The following TULP4 variants were observed in gnomAD, a reference collection of about 807,000 sequenced individuals.
The protein encoded by TULP4 is TUB like protein 4, also known as tubby-related protein 4.
Under a neutral mutation model 129.0 loss-of-function variants are expected in TULP4, and 16 were observed. The observed-to-expected ratio is 0.12, with a 90% confidence interval of 0.08 to 0.19. The LOEUF (loss-of-function observed/expected upper bound fraction) is 0.19, where lower values mean the gene tolerates loss of function less well. Among genes scored for constraint, TULP4 ranks in the 10% least tolerant of loss-of-function variants. The pLI, the probability that TULP4 is intolerant of heterozygous loss-of-function variation, is 1.00. For missense variants in TULP4, 1,842 were observed against 2,059.1 expected, an observed-to-expected ratio of 0.89 and a Z score of 2.04; for synonymous variants, 998 against 854.0, an observed-to-expected ratio of 1.17 and a Z score of -2.94.
In TULP4 at chr6:158,429,787, C is replaced by G. The variant is rs1010046898; in HGVS notation, c.433C>G (p.Arg145Gly). Reference protein sequence around the residue: ...HDGTQALISYRDGFVLVGSVS... With the variant: ...HDGTQALISYGDGFVLVGSVS... ...TGGAACTCAAGCACTTATTTCCTAT[C>G]GAGATGGGTTTGTCCTGGTTGGGTC... is the stretch of plus-strand genomic sequence containing the variant. The change falls in exon 3 of 14, where the codon CGA becomes GGA. Residue 145 changes from arginine (R) to glycine (G), a missense_variant. Around this residue, in one of 5 missense-constraint regions of TULP4, gnomAD observed 151 missense variants for 268.7 expected, o/e 0.56. Coordinates refer to ENST00000367097, the MANE Select transcript of TULP4 (RefSeq NM_020245.5). The G allele has an allele frequency of 6.2e-7, 1 of 1,613,844 alleles. No individual in the cohort carries two copies.
intron 1 of TULP4, among the ~76,000 whole-genome samples, chr6:158,319,227 C>T (rs566483779): frequency 6.6e-6 from 1 of 152,236 alleles, no homozygotes; most frequent in South Asian, 2.1e-4. Context: ...AGATAATTGA[C>T]AGGAGCTCCC....
chr6:158,392,612 C>G (rs1378014489), intron 1 of TULP4, among the ~76,000 whole-genome samples: 1 of 151,808 alleles, frequency 6.6e-6, no homozygotes, highest in Non-Finnish European at 1.5e-5. Context: ...GCTCACATCT[C>G]AGGGGCCAGC....
chr6:158,305,533 G>C (rs1779204835), intron 1 of TULP4, among the ~76,000 whole-genome samples: 1 of 150,256 alleles, frequency 6.7e-6, no homozygotes, highest in African/African-American at 2.5e-5. Context: ...GACCCTGTCT[G>C]TACCAAAAAT....
At chr6:158,364,472 A>G (rs1780878251) in intron 1 of TULP4, among the ~76,000 whole-genome samples, 1 of 152,196 alleles carries the variant, frequency 6.6e-6, no homozygotes, top group Non-Finnish European at 1.5e-5. Flanking sequence ...ATAGAAGGTA[A>G]ACCTAGTCTT....
chr6:158,236,124 C>A (rs1269090617), intron 1 of TULP4, among the ~76,000 whole-genome samples: 2 of 152,070 alleles, frequency 1.3e-5, no homozygotes, highest in Non-Finnish European at 2.9e-5. Context: ...TTATAGGGCT[C>A]CTTTAAAATT....
chr6:158,347,156 A>G (rs1449617521), intron 1 of TULP4, among the ~76,000 whole-genome samples: 1 of 152,190 alleles, frequency 6.6e-6, no homozygotes, highest in Non-Finnish European at 1.5e-5. Flanking sequence ...TGGATTCCAG[A>G]GTGTCTTCTG....
intron 1 of TULP4, among the ~76,000 whole-genome samples, chr6:158,395,364 T>G (rs1469595898): frequency 6.6e-6 from 1 of 151,974 alleles, no homozygotes; most frequent in Non-Finnish European, 1.5e-5. Flanking sequence ...GCGGATCACC[T>G]AAGGTCGGGA....
At chr6:158,470,356 G>C (rs931397418) in intron 6 of TULP4, among the ~76,000 whole-genome samples, 3 of 152,258 alleles carry the variant, frequency 2.0e-5, no homozygotes, top group East Asian at 1.9e-4. Context: ...AGTGAAAACA[G>C]AGCTCCCATA....
intron 1 of TULP4, among the ~76,000 whole-genome samples, chr6:158,404,774 C>A (rs1284012207): frequency 3.1e-4 from 33 of 108,132 alleles, no homozygotes; most frequent in Admixed American, 5.6e-4. Flanking sequence ...GACTCTGTCT[C>A]AAAAAAAAAA....
rs146618069 is a variant in TULP4 at position 158,502,514 on chromosome 6, T to G, written c.2851T>G (p.Tyr951Asp). 5.0e-6 allele frequency: 8 copies of G among 1,611,810 alleles called. No individual in the cohort carries two copies. Among genetic ancestry groups the G allele is most frequent in the Non-Finnish European group, 6.8e-6 (8 of 1,179,856 alleles). Reference sequence around the variant, plus strand: ...CCTGAACCGCCTGACCGTCCCTCGCTACTCCATCCCCACCGGGGACCCACC... The same window carrying G: ...CCTGAACCGCCTGACCGTCCCTCGCGACTCCATCCCCACCGGGGACCCACC... ...ATLNRLTVPR[Y>D]SIPTGDPPPY... The change falls in exon 13 of 14, where the codon TAC becomes GAC. Residue 951 changes from tyrosine (Y) to aspartate (D), a missense_variant. Tyr to Asp is a radical substitution (Grantham distance 160). Transcript: ENST00000367097.
chr6:158,500,753 A>G (rs1026421627), intron 12 of TULP4, among the ~76,000 whole-genome samples: 1 of 152,206 alleles, frequency 6.6e-6, no homozygotes, highest in African/African-American at 2.4e-5. Flanking sequence ...TCTACCTTAC[A>G]TACTGTTTGA....
intron 1 of TULP4, among the ~76,000 whole-genome samples, chr6:158,298,985 G>GT (rs1243701484): frequency 6.6e-6 from 1 of 152,222 alleles, no homozygotes; most frequent in East Asian, 1.9e-4. Context: ...TTATCATGGA[G>GT]TTCAGAATCA....
intron 1 of TULP4, among the ~76,000 whole-genome samples, chr6:158,384,610 T>A (rs1777399552): frequency 6.6e-6 from 1 of 152,148 alleles, no homozygotes; most frequent in Non-Finnish European, 1.5e-5. Context: ...TGTATCTTTT[T>A]ATTAGTTGGC....
intron 1 of TULP4, among the ~76,000 whole-genome samples, chr6:158,236,790 C>CTTTTTTTT (rs1562489169): frequency 2.1e-4 from 7 of 33,114 alleles, no homozygotes; most frequent in Admixed American, 8.4e-4. Context: ...ATGCCCAATT[C>CTTTTTTTT]TTTTCTTTTT....
intron 4 of TULP4, among the ~76,000 whole-genome samples, chr6:158,451,022 G>T (rs1330624727): frequency 3.9e-5 from 6 of 152,044 alleles, no homozygotes; most frequent in Non-Finnish European, 7.4e-5. Flanking sequence ...CCAAGATCGC[G>T]CCACTGCATT....
At chr6:158,484,647 C>T (rs934537880) in intron 8 of TULP4, among the ~76,000 whole-genome samples, 2 of 152,122 alleles carry the variant, frequency 1.3e-5, no homozygotes, top group African/African-American at 4.8e-5. Flanking sequence ...AAAGAGATCT[C>T]TCACCACGCA....
At chr6:158,379,479 G>A (rs760183336) in intron 1 of TULP4, among the ~76,000 whole-genome samples, 24 of 152,180 alleles carry the variant, frequency 1.6e-4, no homozygotes, top group Non-Finnish European at 1.3e-4. Context: ...GTTCTACCTG[G>A]GCATGTCCAC....
At chr6:158,484,323 T>G (rs1052278396) in intron 8 of TULP4, among the ~76,000 whole-genome samples, 38 of 151,822 alleles carry the variant, frequency 2.5e-4, no homozygotes, top group African/African-American at 8.4e-4. Flanking sequence ...TAGTGCACTT[T>G]TTTTTTTTGT....
chr6:158,497,496 T>G (rs1780358430), intron 11 of TULP4, among the ~76,000 whole-genome samples: 1 of 152,192 alleles, frequency 6.6e-6, no homozygotes, highest in Admixed American at 6.5e-5. Flanking sequence ...AAAATCTCTG[T>G]CATTCTCACC....
Sources: allele counts gnomAD v4.1 joint callset (sites outside exome capture counted in the v4.1 genomes callset), GRCh38; gene constraint gnomAD v4.1.1; regional missense constraint gnomAD v4.1.1; transcripts MANE v1.5; gene names NCBI Gene and HGNC (gene_info 2026-07-23, HGNC 2026-07-21).